Variants in MAML2 observed in about 807,000 individuals in gnomAD.
MAML2 encodes the protein mastermind-like protein 2.
In MAML2, 22 loss-of-function variants were observed where a neutral mutation model predicts 96.1. The observed-to-expected ratio is 0.23, with a 90% confidence interval of 0.16 to 0.33. The LOEUF (loss-of-function observed/expected upper bound fraction) is 0.33, where lower values mean the gene tolerates loss of function less well. Ranked by LOEUF, MAML2 falls within the 10% of genes least tolerant of loss-of-function variation. MAML2 has a pLI of 1.00. For missense variants in MAML2, 1,367 were observed against 1,392.4 expected (o/e 0.98, Z 0.29); for synonymous variants, 561 against 521.3 (o/e 1.08, Z -1.04).
intron 2 of MAML2, among the ~76,000 whole-genome samples, chr11:96,011,688 C>T (rs2135728260): frequency 6.6e-6 from 1 of 152,104 alleles, no homozygotes; most frequent in Non-Finnish European, 1.5e-5. Flanking sequence ...AACCATGGAG[C>T]AAATCTGCAC....
At chr11:96,062,374 T>G (rs1459365999) in intron 2 of MAML2, among the ~76,000 whole-genome samples, 1 of 152,300 alleles carries the variant, frequency 6.6e-6, no homozygotes, top group African/African-American at 2.4e-5. Context: ...AGGTAAAAAG[T>G]TCACAGCTGG....
intron 1 of MAML2, among the ~76,000 whole-genome samples, chr11:96,310,931 G>A (rs1863534444): frequency 6.6e-6 from 1 of 152,194 alleles, no homozygotes; most frequent in Non-Finnish European, 1.5e-5. Context: ...TACCAGAAAA[G>A]TGGCAATAAA....
At chr11:96,288,164 A>G (rs1175292477) in intron 1 of MAML2, among the ~76,000 whole-genome samples, 1 of 152,248 alleles carries the variant, frequency 6.6e-6, no homozygotes, top group East Asian at 1.9e-4. Context: ...GAAGTAGAAA[A>G]AAATTAGATC....
intron 1 of MAML2, among the ~76,000 whole-genome samples, chr11:96,179,220 T>C (rs112366370): frequency 9.2e-5 from 14 of 152,180 alleles, no homozygotes; most frequent in African/African-American, 2.9e-4. Context: ...TAACTAGATA[T>C]GCCAACTGTT....
chr11:96,321,061 T>C (rs1460010313), intron 1 of MAML2, among the ~76,000 whole-genome samples: 1 of 152,202 alleles, frequency 6.6e-6, no homozygotes, highest in African/African-American at 2.4e-5. Flanking sequence ...GACACACTCA[T>C]CATTTAGCTG....
At chr11:96,088,263 C>A (rs1392859738) in intron 2 of MAML2, among the ~76,000 whole-genome samples, 1 of 152,170 alleles carries the variant, frequency 6.6e-6, no homozygotes, top group African/African-American at 2.4e-5. Flanking sequence ...TCACTGGCTG[C>A]CTTCCCTCCA....
At chr11:96,121,774 T>C (rs1026576507) in intron 1 of MAML2, among the ~76,000 whole-genome samples, 4 of 127,208 alleles carry the variant, frequency 3.1e-5, no homozygotes, top group African/African-American at 1.2e-4. Context: ...TATTCCCAAC[T>C]GCGTGATTTT....
At chr11:96,280,086 A>T (rs1273060556) in intron 1 of MAML2, among the ~76,000 whole-genome samples, 1 of 152,204 alleles carries the variant, frequency 6.6e-6, no homozygotes, top group Non-Finnish European at 1.5e-5. Flanking sequence ...CCATTAACAG[A>T]CTCACACACA....
chr11:96,245,502 T>A (rs1312941879), intron 1 of MAML2, among the ~76,000 whole-genome samples: 1 of 152,178 alleles, frequency 6.6e-6, no homozygotes, highest in East Asian at 1.9e-4. Flanking sequence ...TTCTTTTTAG[T>A]TTAATTCCTG....
chr11:96,248,363 T>C (rs545963466), intron 1 of MAML2, among the ~76,000 whole-genome samples: 39 of 150,776 alleles, frequency 2.6e-4, no homozygotes, highest in Admixed American at 5.3e-4. Flanking sequence ...CCATCCACCT[T>C]GGCCTCCCAA....
At chr11:96,321,964 T>A (rs1052626112) in intron 1 of MAML2, among the ~76,000 whole-genome samples, 1 of 152,218 alleles carries the variant, frequency 6.6e-6, no homozygotes, top group African/African-American at 2.4e-5. Flanking sequence ...GTTGTTGTTG[T>A]TGTTGTTTTT....
chr11:95,979,860 G>C lies in MAML2; in HGVS notation c.2559C>G (p.His853Gln), dbSNP rs7123272. 1 of 1,613,562 alleles carries C rather than the reference G, an allele frequency of 6.2e-7. No individual in the cohort carries two copies. Among genetic ancestry groups the C allele is most frequent in the Non-Finnish European group, 8.5e-7 (1 of 1,179,700 alleles). Residue 853 changes from histidine (H) to glutamine (Q), a missense_variant, in exon 5 of 5, where the codon CAC (histidine) becomes CAG (glutamine). Physicochemically the swap from His to Gln is conservative, Grantham distance 24. Transcript: ENST00000524717. ...TPNSSLLSTS[H>Q]GTRMPSLSTA... ...TAGATAATGATGGCATTCTTGTCCC[G>C]TGAGAAGTAGACAGGAGGCTGGAAT...
At chr11:96,330,993 AG>A (rs1465298414) in intron 1 of MAML2, among the ~76,000 whole-genome samples, 2 of 152,222 alleles carry the variant, frequency 1.3e-5, no homozygotes, top group Non-Finnish European at 2.9e-5. Flanking sequence ...TCTACCAGCC[AG>A]GCATGGTGGC....
At chr11:96,264,736 A>G (rs1862803148) in intron 1 of MAML2, among the ~76,000 whole-genome samples, 1 of 152,256 alleles carries the variant, frequency 6.6e-6, no homozygotes, top group Non-Finnish European at 1.5e-5. Context: ...AGTAGGAGTC[A>G]TGACCCCAAA....
intron 2 of MAML2, among the ~76,000 whole-genome samples, chr11:96,060,536 A>G (rs1859140701): frequency 6.6e-6 from 1 of 152,154 alleles, no homozygotes; most frequent in Non-Finnish European, 1.5e-5. Flanking sequence ...TTCAAATATA[A>G]CAGAAACACT....
intron 1 of MAML2, 129 bp downstream of exon 1, chr11:96,341,254 C>T: frequency 2.8e-6 from 3 of 1,081,038 alleles, no homozygotes; most frequent in Non-Finnish European, 3.9e-6. Context: ...ACCCAATGGC[C>T]TTTAAGGTAG....
chr11:96,292,751 T>C (rs1863231700), intron 1 of MAML2, among the ~76,000 whole-genome samples: 1 of 152,234 alleles, frequency 6.6e-6, no homozygotes, highest in Admixed American at 6.5e-5. Context: ...TTTCAGGGCA[T>C]TGCTATATGG....
chr11:96,047,397 T>C (rs1858918873), intron 2 of MAML2, among the ~76,000 whole-genome samples: 1 of 152,202 alleles, frequency 6.6e-6, no homozygotes, highest in Non-Finnish European at 1.5e-5. Context: ...TACTGAATTC[T>C]CTAAGCTTCA....
chr11:96,081,218 T>C (rs1293970652), intron 2 of MAML2, among the ~76,000 whole-genome samples: 1 of 152,138 alleles, frequency 6.6e-6, no homozygotes, highest in Non-Finnish European at 1.5e-5. Flanking sequence ...ACATTATACC[T>C]ATAACCACAT....
Sources: gnomAD v4.1 joint callset for allele counts (sites outside exome capture counted in the v4.1 genomes callset) on GRCh38, gnomAD v4.1.1 for gene constraint, MANE v1.5 for transcripts, NCBI Gene and HGNC (gene_info 2026-07-23, HGNC 2026-07-21) for gene names.